The following CD101 variants were observed in gnomAD, a reference collection of about 807,000 sequenced individuals.
CD101 encodes the protein immunoglobulin superfamily member 2.
A neutral mutation model predicts 98.2 loss-of-function variants in CD101; 76 were observed. The ratio of observed to expected loss-of-function variants is 0.77; its 90% CI spans 0.64 to 0.94. The LOEUF (loss-of-function observed/expected upper bound fraction) is 0.94, where lower values mean the gene tolerates loss of function less well. CD101 is among the 40% of genes least tolerant of loss of function. The probability of loss-of-function intolerance (pLI) is 0.00; values close to 1 mark genes in which losing one functional copy is unlikely to be tolerated. For missense variants in CD101, 1,145 were observed against 1,218.8 expected (o/e 0.94, Z 0.90); for synonymous variants, 471 against 472.7 (o/e 1.00, Z 0.05).
chr1:117,018,830 C>A lies in CD101; in HGVS notation c.2017+270C>A, dbSNP rs1653407005. Among the ~76,000 whole-genome samples the A allele has an allele frequency of 6.6e-6, 1 of 152,118 alleles. No homozygotes were observed. The highest frequency in any genetic ancestry group is 2.4e-5 in the African/African-American group (1 of 41,416). On this transcript the variant is annotated intron_variant, in intron 6 of 9. Coordinates refer to ENST00000682167, the MANE Select transcript of CD101 (RefSeq NM_001256106.3). The surrounding 1 kb of genome is among the most constrained non-coding windows in gnomAD (Gnocchi z 4.3). ...CATTTTCCCCTAAGTTCCCACCACC[C>A]AGCAACTAAAGGGTACCACGTGGCA...
At position 117,021,924 on chromosome 1, in the gene CD101, C is replaced by G; in HGVS notation, c.2369C>G (p.Thr790Ser). Residue 790 changes from threonine to serine, a missense_variant, in exon 7 of 10, where the codon ACT becomes AGT. Coordinates refer to ENST00000682167, the MANE Select transcript of CD101 (RefSeq NM_001256106.3). This position sits in a 1 kb window ranked among gnomAD's most constrained non-coding sequence, Gnocchi z 4.7. Reference protein sequence around the residue: ...VEEWLLSTNGTWHKLGEKKSG... With the variant: ...VEEWLLSTNGSWHKLGEKKSG... ...GAATGGCTCCTGTCTACAAATGGCA[C>G]TTGGCACAAGCTTGGAGAAAAGAAG... The G allele has an allele frequency of 6.2e-7, 1 of 1,613,874 alleles. No individual in the cohort carries two copies. The highest frequency in any genetic ancestry group is 8.5e-7 in the Non-Finnish European group (1 of 1,179,942).
chr1:117,024,766 C>T (rs1318269634), intron 7 of CD101, among the ~76,000 whole-genome samples: 2 of 152,152 alleles, frequency 1.3e-5, no homozygotes, highest in Admixed American at 6.6e-5. Context: ...TCTGCGTTTA[C>T]ACCCAAGATA....
chr1:117,021,721 C>T lies in CD101; in HGVS notation c.2166C>T (p.Ala722=), dbSNP rs377099186. ...ATTTTTCTCCTGTTTCCACTAATGC[C>T]TCTTGGCTAAAGATCCTGGAGATGG... ...IWYFSPVSTN[A]SWLKILEMDQ... The change falls in exon 7 of 10, where the codon GCC becomes GCT. Residue 722 remains alanine (A), a synonymous_variant. Coordinates refer to ENST00000682167, the MANE Select transcript of CD101 (RefSeq NM_001256106.3). This position sits in a 1 kb window ranked among gnomAD's most constrained non-coding sequence, Gnocchi z 4.7. 4.3e-6 allele frequency: 7 copies of T among 1,614,038 alleles called. No individual in the cohort carries two copies. The African/African-American group carries it at 9.3e-5, about 22-fold the overall frequency.
chr1:117,032,740 C>T (rs1406008421), intron 8 of CD101, among the ~76,000 whole-genome samples: 1 of 152,206 alleles, frequency 6.6e-6, no homozygotes, highest in Non-Finnish European at 1.5e-5. Context: ...TCTCTTTAAG[C>T]ATGTGTCTTT....
In CD101 at chr1:117,006,995, A is replaced by G. The variant is rs1652573429; in HGVS notation, c.44-2855A>G. Among the ~76,000 whole-genome samples, 1 of 152,220 alleles carries G rather than the reference A, an allele frequency of 6.6e-6. No individual in the cohort carries two copies. Among genetic ancestry groups the G allele is most frequent in the Non-Finnish European group, 1.5e-5 (1 of 68,042 alleles). The stretch of plus-strand genomic sequence containing the variant: ...CCATCTTGCTGAAAAGTGATGGGAA[A>G]CGTTCGAGAAGTGTTGCCTAGCCAC... On this transcript the variant is annotated intron_variant, in intron 1 of 9. Transcript: ENST00000682167. The surrounding 1 kb of genome is among the most constrained non-coding windows in gnomAD (Gnocchi z 4.4).
chr1:117,030,285 G>A (rs143340448), intron 8 of CD101, among the ~76,000 whole-genome samples: 1 of 152,226 alleles, frequency 6.6e-6, no homozygotes, highest in East Asian at 1.9e-4. Context: ...AAAAGGCTGA[G>A]ATGGGAGGAT....
chr1:117,007,054 A>T (rs546752426), intron 1 of CD101, among the ~76,000 whole-genome samples: 1 of 152,324 alleles, frequency 6.6e-6, no homozygotes, highest in South Asian at 2.1e-4. Context: ...ACATGCCTTG[A>T]TATATGTGGG....
intron 1 of CD101, among the ~76,000 whole-genome samples, chr1:117,008,834 A>G (rs1652698142): frequency 6.6e-6 from 1 of 152,098 alleles, no homozygotes; most frequent in African/African-American, 2.4e-5. Flanking sequence ...TTAACTCCAT[A>G]AGGCCAGCAA....
At chr1:117,034,851 C>T (rs999716642) in intron 9 of CD101, among the ~76,000 whole-genome samples, 5 of 152,164 alleles carry the variant, frequency 3.3e-5, no homozygotes, top group Non-Finnish European at 7.4e-5. Flanking sequence ...GCCTCGTACC[C>T]CTGCTTCCCC....
rs780669702 is a variant in CD101 at position 117,021,626 on chromosome 1, T to C, written c.2071T>C (p.Ser691Pro). ...TCAAGTCCAAGAGCTCTCCATCAACTCCAACACTGATATAGAATGTAGCAT... is the reference window on the plus strand; with the variant it reads ...TCAAGTCCAAGAGCTCTCCATCAACCCCAACACTGATATAGAATGTAGCAT... ...RSQVQELSINSNTDIECSILS... is the reference protein window; with the variant it reads ...RSQVQELSINPNTDIECSILS... Residue 691 changes from serine (S) to proline (P), a missense_variant, in exon 7 of 10, where the codon TCC (serine) becomes CCC (proline). By Grantham distance (74) the Ser-to-Pro change is moderately conservative (BLOSUM62 -1). Coordinates refer to ENST00000682167, the MANE Select transcript of CD101 (RefSeq NM_001256106.3). This position sits in a 1 kb window ranked among gnomAD's most constrained non-coding sequence, Gnocchi z 4.7. 6.2e-7 allele frequency: 1 copy of C among 1,611,888 alleles called. No individual in the cohort carries two copies. Among genetic ancestry groups the C allele is most frequent in the Non-Finnish European group, 8.5e-7 (1 of 1,179,328 alleles).
At position 117,012,519 on chromosome 1, in the gene CD101, C is replaced by G. The variant is rs1250268440; in HGVS notation, c.841+553C>G. 6.6e-6 allele frequency among the ~76,000 whole-genome samples: 1 copy of G among 152,188 alleles called. No homozygotes were observed. Among genetic ancestry groups the G allele is most frequent in the African/African-American group, 2.4e-5 (1 of 41,434 alleles). On this transcript the variant is annotated intron_variant, in intron 3 of 9. Transcript: ENST00000682167. The surrounding 1 kb of genome is among the most constrained non-coding windows in gnomAD (Gnocchi z 4.0). ...TCGTCAGTGCTGGGGTTTCCTTCCA[C>G]CTGCCCCCTTTCCCAACTTGGAATG...
At chr1:117,032,480 G>A (rs913872293) in intron 8 of CD101, 5 of 152,184 alleles carry the variant, frequency 3.3e-5, no homozygotes, top group African/African-American at 7.2e-5. Context: ...TGTAGGATTC[G>A]TCGGCAATGC....
chr1:117,030,391 CA>C (rs1469922220), intron 8 of CD101, among the ~76,000 whole-genome samples: 2 of 133,984 alleles, frequency 1.5e-5, no homozygotes, highest in Admixed American at 7.5e-5. Flanking sequence ...AACAAACAAA[CA>C]AACAAACAAA....
intron 7 of CD101, among the ~76,000 whole-genome samples, chr1:117,025,156 A>C (rs1433490545): frequency 6.6e-6 from 1 of 152,220 alleles, no homozygotes; most frequent in East Asian, 1.9e-4. Flanking sequence ...TGAAGCCAGG[A>C]GCTCAAGAGC....
intron 8 of CD101, among the ~76,000 whole-genome samples, chr1:117,029,273 G>GAAAGAAAGAA (rs1289214690): frequency 2.3e-5 from 3 of 128,008 alleles, no homozygotes; most frequent in African/African-American, 8.6e-5. Context: ...AAGAAAGAAA[G>GAAAGAAAGAA]AGTAGATACG....
chr1:117,033,870 T>A lies in CD101; in HGVS notation c.2835T>A (p.Leu945=), dbSNP rs746354431. 2 of 1,614,198 alleles carry A rather than the reference T, an allele frequency of 1.2e-6. No individual in the cohort carries two copies. The highest frequency in any genetic ancestry group is 2.2e-5 in the South Asian group (2 of 91,082). The stretch of plus-strand genomic sequence containing the variant: ...CTCCCTTCGTTGCAGAGCCCACGCT[T>A]CCTTCCAGGATCTGCTCCTCGGCCC... The part of the protein sequence containing the change: ...VLTVLPSEPT[L]PSRICSSAPL... Residue 945 remains leucine (L), a synonymous_variant, in exon 9 of 10, where the codon CTT becomes CTA. Transcript: ENST00000682167. The surrounding 1 kb of genome is among the most constrained non-coding windows in gnomAD (Gnocchi z 4.8).
rs1260719864 is a variant in CD101, at chr1:117,019,148, TTA to T, written c.2017+591_2017+592del. Among the ~76,000 whole-genome samples the T allele has an allele frequency of 1.3e-5, 2 of 152,200 alleles. No homozygotes were observed. Among genetic ancestry groups the T allele is most frequent in the Non-Finnish European group, 2.9e-5 (2 of 68,020 alleles). On this transcript the variant is annotated intron_variant, in intron 6 of 9. Transcript: ENST00000682167. This position sits in a 1 kb window ranked among gnomAD's most constrained non-coding sequence, Gnocchi z 4.3. Reference sequence around the variant, plus strand: ...TCTGCTGTGTCATGTATCTTCTCTCTTATAGTTTGCATTCTCTTAGGAAGAGT... The same window carrying T: ...TCTGCTGTGTCATGTATCTTCTCTCTTAGTTTGCATTCTCTTAGGAAGAGT...
rs745693038 is a variant in CD101, at chr1:117,013,558, G to A, written c.994G>A (p.Gly332Ser). The change falls in exon 4 of 10, where the codon GGT becomes AGT. Residue 332 changes from glycine (G) to serine (S), a missense_variant. Coordinates refer to ENST00000682167, the MANE Select transcript of CD101 (RefSeq NM_001256106.3). ...GACTGAAATTGCTCACATTGATGCT[G>A]GTGGAGTCCTGGGCCTGAAGAATGA... Reference protein sequence around the residue: ...NGTEIAHIDAGGVLGLKNDYK... With the variant: ...NGTEIAHIDASGVLGLKNDYK... 1 of 1,614,162 alleles carries A rather than the reference G, an allele frequency of 6.2e-7. No homozygotes were observed. Among genetic ancestry groups the A allele is most frequent in the Non-Finnish European group, 8.5e-7 (1 of 1,180,016 alleles).
At position 117,018,486 on chromosome 1, in the gene CD101, A is replaced by G. The variant is rs1197638171; in HGVS notation, c.1943A>G (p.Asn648Ser). ...YQCEVEVYDR[N>S]SLYNNRPPRA... Reference sequence around the variant, plus strand: ...TGTGAAGTAGAAGTTTATGACAGAAATTCCCTATACAACAACCGCCCCCCG... The same window carrying G: ...TGTGAAGTAGAAGTTTATGACAGAAGTTCCCTATACAACAACCGCCCCCCG... Residue 648 changes from asparagine (N) to serine (S), a missense_variant, in exon 6 of 10, where the codon AAT (asparagine) becomes AGT (serine). Transcript: ENST00000682167. The surrounding 1 kb of genome is among the most constrained non-coding windows in gnomAD (Gnocchi z 4.3). The G allele has an allele frequency of 1.2e-6, 2 of 1,614,006 alleles. No individual in the cohort carries two copies. The highest frequency in any genetic ancestry group is 1.7e-6 in the Non-Finnish European group (2 of 1,179,982).
Sources: gnomAD v4.1 joint callset for allele counts (sites outside exome capture counted in the v4.1 genomes callset) on GRCh38, gnomAD v4.1.1 for gene constraint, Gnocchi (gnomAD v3.1) non-coding constraint, MANE v1.5 for transcripts, NCBI Gene and HGNC (gene_info 2026-07-23, HGNC 2026-07-21) for gene names.